The following COA7 variants were observed in gnomAD, a reference collection of about 807,000 sequenced individuals.
COA7 encodes the protein Sel1 repeat containing 1.
In COA7, 12 loss-of-function variants were observed where a neutral mutation model predicts 21.0. The observed-to-expected ratio is 0.57, with a 90% CI of 0.37 to 0.92. The LOEUF is 0.92. Among genes scored for constraint, COA7 ranks in the 40% least tolerant of loss-of-function variants. COA7 has a pLI of 0.01. For missense variants in COA7, 240 were observed against 286.1 expected (o/e 0.84, Z 1.16); for synonymous variants, 95 against 107.4 (o/e 0.88, Z 0.72).
At chr1:52,692,671 G>A (rs1172291593) in intron 2 of COA7, 56 bp downstream of exon 2, 1 of 1,601,546 alleles carries the variant, frequency 6.2e-7, no homozygotes, top group Non-Finnish European at 8.5e-7. Flanking sequence ...TGGGGCTCAG[G>A]TGTGAGGCCA....
At chr1:52,692,951 T>G (rs1571718837) in intron 1 of COA7, 84 bp from the exon 2 acceptor site, 1 of 1,470,614 alleles carries the variant, frequency 6.8e-7, no homozygotes, top group Non-Finnish European at 9.4e-7. Flanking sequence ...TGCCCAGGTG[T>G]GGCAGGCCAG....
At chr1:52,692,916 G>A (rs773586358) in intron 1 of COA7, 49 bp from the exon 2 acceptor site, 17 of 1,608,712 alleles carry the variant, frequency 1.1e-5, no homozygotes, top group Middle Eastern at 3.3e-4. Context: ...GCTGCTGCTC[G>A]CAGTGGGGAC....
At position 52,685,373 on chromosome 1, in the gene COA7, C is replaced by T. The variant is rs905200163; in HGVS notation, c.*2347G>A. The T allele has an allele frequency of 5.3e-5, 8 of 152,192 alleles. No individual in the cohort carries two copies. Among genetic ancestry groups the T allele is most frequent in the African/African-American group, 1.7e-4 (7 of 41,458 alleles). 9.4% of individuals were successfully genotyped at this position (152,192 alleles called of 1,614,324 possible). A position where few individuals can be genotyped will look rare whatever the true frequency, so the allele number is the denominator to read the frequency against. On this transcript the variant is annotated 3_prime_UTR_variant, in exon 3 of 3. Coordinates refer to ENST00000371538, the MANE Select transcript of COA7 (RefSeq NM_023077.3). The stretch of plus-strand genomic sequence containing the variant: ...TTTCCTGATGACATGTTATATGGAA[C>T]ATCTTTTCATATGCTTATTTGCCAC...
At position 52,693,714 on chromosome 1, in the gene COA7, C is replaced by T. The variant is rs1278266643; in HGVS notation, c.107-847G>A. Among the ~76,000 whole-genome samples, 6 of 152,014 alleles carry T rather than the reference C, an allele frequency of 3.9e-5. No homozygotes were observed. The South Asian group carries it at 6.2e-4, about 16-fold the overall frequency. ...GAAAGCCAAAGAGAAAGAGTAGAGGCGGCAGCTTCTAATGAAAATAGGCTC... is the reference window on the plus strand; with the variant it reads ...GAAAGCCAAAGAGAAAGAGTAGAGGTGGCAGCTTCTAATGAAAATAGGCTC... On this transcript the variant is annotated intron_variant, in intron 1 of 2. Coordinates refer to ENST00000371538, the MANE Select transcript of COA7 (RefSeq NM_023077.3).
intron 1 of COA7, 106 bp downstream of exon 1, chr1:52,698,115 C>A (rs886770576): frequency 1.2e-6 from 1 of 829,332 alleles, no homozygotes; most frequent in Non-Finnish European, 2.0e-6. Context: ...ACCCCGTCCC[C>A]CGCCCGCCAC....
intron 1 of COA7, among the ~76,000 whole-genome samples, chr1:52,693,790 C>T (rs1307020642): frequency 6.6e-6 from 1 of 152,114 alleles, no homozygotes; most frequent in African/African-American, 2.4e-5. Context: ...CTTAATCTCT[C>T]TCCCCTCTTC....
At chr1:52,693,739 C>G (rs1644064412) in intron 1 of COA7, among the ~76,000 whole-genome samples, 1 of 152,088 alleles carries the variant, frequency 6.6e-6, no homozygotes, top group Non-Finnish European at 1.5e-5. Context: ...AAAATAGGCT[C>G]TACTTCCTTG....
At chr1:52,697,218 T>A (rs1644090701) in intron 1 of COA7, among the ~76,000 whole-genome samples, 1 of 152,060 alleles carries the variant, frequency 6.6e-6, no homozygotes, top group Admixed American at 6.6e-5. Context: ...GACAACGTAG[T>A]GACATACTAT....
chr1:52,692,544 T>C (rs1644054872), intron 2 of COA7, among the ~76,000 whole-genome samples, 183 bp downstream of exon 2: 1 of 152,250 alleles, frequency 6.6e-6, no homozygotes, highest in African/African-American at 2.4e-5. Flanking sequence ...TCCCTAAGGT[T>C]TACCTAACTT....
intron 1 of COA7, 35 bp downstream of exon 1, chr1:52,698,186 C>G (rs751397712): frequency 1.3e-6 from 2 of 1,492,632 alleles, no homozygotes; most frequent in East Asian, 4.5e-5. Context: ...ACGTCCCTCC[C>G]CGACGCGTCG....
Position 52,685,981 on chromosome 1 carries a change from C to T in COA7, c.*1739G>A, listed in dbSNP as rs1401143033. 6.6e-6 allele frequency: 1 copy of T among 152,368 alleles called. No homozygotes were observed. The highest frequency in any genetic ancestry group is 2.4e-5 in the African/African-American group (1 of 41,412). The allele number at this position is 152,368 out of a possible 1,614,324, so 9.4% of individuals were successfully genotyped here. On this transcript the variant is annotated 3_prime_UTR_variant, in exon 3 of 3. Transcript: ENST00000371538. ...CCAGGTTCAAGTGATTCTCCTGCCT[C>T]AGCCTCCGAAGTAGCTGGGATTACA... is the stretch of plus-strand genomic sequence containing the variant.
At position 52,689,160 on chromosome 1, in the gene COA7, AT is replaced by A. The variant is rs1195625684; in HGVS notation, c.248-993del. ...ACATTATGAAATTATTATTATTATT[AT>A]TTTTTTTTTTTTGAGATGGAGTCTT... On this transcript the variant is annotated intron_variant, in intron 2 of 2. Transcript: ENST00000371538. Among the ~76,000 whole-genome samples, 617 of 145,636 alleles carry A rather than the reference AT, an allele frequency of 4.2e-3. 2 individuals carry two copies. The highest frequency in any genetic ancestry group is 7.1e-3 in the Middle Eastern group (2 of 282).
intron 2 of COA7, among the ~76,000 whole-genome samples, chr1:52,690,987 G>A (rs1644041302): frequency 6.6e-6 from 1 of 152,052 alleles, no homozygotes; most frequent in African/African-American, 2.4e-5. Context: ...AAACGCCCCT[G>A]TAATCCCAGC....
chr1:52,693,628 A>T (rs1644063572), intron 1 of COA7, among the ~76,000 whole-genome samples: 1 of 151,054 alleles, frequency 6.6e-6, no homozygotes, highest in Non-Finnish European at 1.5e-5. Flanking sequence ...AAAAAGAAAG[A>T]AAGAAAAAGA....
chr1:52,693,809 C>A (rs1023630666), intron 1 of COA7, among the ~76,000 whole-genome samples: 1 of 152,088 alleles, frequency 6.6e-6, no homozygotes, highest in Non-Finnish European at 1.5e-5. Flanking sequence ...TCTTTACCCC[C>A]AGTGACAACA....
rs762820526 is a variant in COA7, at chr1:52,688,119, C to T, written c.297G>A (p.Ala99=). ...LKAAARCFLM[A]CEKPGKKSIA... ...TTGACTTCTTTCCAGGCTTCTCACA[C>T]GCCATCAAAAAGCACCTGGCGGCAG... Residue 99 remains alanine (A), a synonymous_variant, in exon 3 of 3, where the codon GCG becomes GCA. Coordinates refer to ENST00000371538, the MANE Select transcript of COA7 (RefSeq NM_023077.3). The T allele has an allele frequency of 2.7e-5, 44 of 1,613,694 alleles. No individual in the cohort carries two copies. The highest frequency in any genetic ancestry group is 4.5e-5 in the East Asian group (2 of 44,884).
chr1:52,688,009 T>G lies in COA7; in HGVS notation c.407A>C (p.Asp136Ala). The stretch of plus-strand genomic sequence containing the variant: ...ACCATCACAGGCCCTTGTGTAGTAG[T>G]CCCTGGCCTTTCCCAAGTCAGGCTG... ...DGQPDLGKARDYYTRACDGGY... is the reference protein window; with the variant it reads ...DGQPDLGKARAYYTRACDGGY... Residue 136 changes from aspartate (D) to alanine (A), a missense_variant, in exon 3 of 3, where the codon GAC becomes GCC. Physicochemically the swap from Asp to Ala is moderately radical, Grantham distance 126 (BLOSUM62 -2). Transcript: ENST00000371538. 1 of 1,614,142 alleles carries G rather than the reference T, an allele frequency of 6.2e-7. No individual in the cohort carries two copies.
rs904836281 is a variant in COA7, at chr1:52,684,764, T to G, written c.*2956A>C. The G allele has an allele frequency of 1.3e-5, 2 of 152,202 alleles. No individual in the cohort carries two copies. Among genetic ancestry groups the G allele is most frequent in the African/African-American group, 4.8e-5 (2 of 41,442 alleles). The allele number at this position is 152,202 out of a possible 1,614,324, so 9.4% of individuals were successfully genotyped here. ...TAGTTTCGCTGCCCTAAAAATCTTCTGTGCTCCAATTATTCCTCCCTCCCC... is the reference window on the plus strand; with the variant it reads ...TAGTTTCGCTGCCCTAAAAATCTTCGGTGCTCCAATTATTCCTCCCTCCCC... On this transcript the variant is annotated 3_prime_UTR_variant, in exon 3 of 3. Transcript: ENST00000371538.
At chr1:52,695,311 A>AG in intron 1 of COA7, among the ~76,000 whole-genome samples, 1 of 149,902 alleles carries the variant, frequency 6.7e-6, no homozygotes, top group East Asian at 2.0e-4. Flanking sequence ...AAAAAAAAAA[A>AG]AAAAAAAGCC....
Sources: gnomAD v4.1 joint callset for allele counts (sites outside exome capture counted in the v4.1 genomes callset) on GRCh38, gnomAD v4.1.1 for gene constraint, MANE v1.5 for transcripts, NCBI Gene and HGNC (gene_info 2026-07-23, HGNC 2026-07-21) for gene names.